Variants in TTC28 observed in about 807,000 individuals in gnomAD.
TTC28 encodes tetratricopeptide repeat domain 28, also known as tetratricopeptide repeat protein 28.
TTC28 carries 61 observed loss-of-function variants against 198.0 expected under a neutral mutation model. That is an observed-to-expected ratio of 0.31 (90% CI 0.25 to 0.38). The LOEUF is 0.38. Ranked by LOEUF, TTC28 falls within the 10% of genes least tolerant of loss-of-function variation. The pLI is 1.00. For synonymous variants in TTC28, 1,171 were observed against 1,297.8 expected, an observed-to-expected ratio of 0.90 and a Z score of 2.10; for missense variants, 2,678 against 3,164.0, an observed-to-expected ratio of 0.85 and a Z score of 3.69.
intron 2 of TTC28, among the ~76,000 whole-genome samples, chr22:28,441,266 T>A (rs2047617154): frequency 1.3e-5 from 2 of 152,220 alleles, no homozygotes; most frequent in South Asian, 4.1e-4. Context: ...AATGTAGAGT[T>A]TGCAGACATC....
intron 2 of TTC28, among the ~76,000 whole-genome samples, chr22:28,466,822 C>CAT (rs1363310625): frequency 5.2e-5 from 6 of 116,236 alleles, no homozygotes; most frequent in East Asian, 2.0e-4. Flanking sequence ...TACATACATA[C>CAT]ACACACACAC....
At chr22:28,552,541 A>G (rs1376691668) in intron 2 of TTC28, among the ~76,000 whole-genome samples, 1 of 152,232 alleles carries the variant, frequency 6.6e-6, no homozygotes, top group African/African-American at 2.4e-5. Context: ...ACATAGACCA[A>G]TGAAACAGAA....
intron 2 of TTC28, among the ~76,000 whole-genome samples, chr22:28,544,977 G>T (rs2049506045): frequency 6.6e-6 from 1 of 152,146 alleles, no homozygotes; most frequent in Non-Finnish European, 1.5e-5. Flanking sequence ...GCCCATGAGG[G>T]TGCTCTGCCT....
chr22:28,412,812 C>T (rs1466174009), intron 2 of TTC28, among the ~76,000 whole-genome samples: 2 of 152,168 alleles, frequency 1.3e-5, no homozygotes, highest in Non-Finnish European at 2.9e-5. Flanking sequence ...AGGTGGGCTG[C>T]AGAGACAGGA....
intron 2 of TTC28, among the ~76,000 whole-genome samples, chr22:28,336,098 A>G (rs532367564): frequency 2.0e-4 from 30 of 152,270 alleles, no homozygotes; most frequent in African/African-American, 7.0e-4. Context: ...TGAGATGATC[A>G]TGTGGTTTTT....
At chr22:28,623,000 T>G (rs1332381806) in intron 2 of TTC28, among the ~76,000 whole-genome samples, 1 of 152,096 alleles carries the variant, frequency 6.6e-6, no homozygotes, top group Non-Finnish European at 1.5e-5. Context: ...TTTTGTATTT[T>G]TTAGTAGAGA....
intron 5 of TTC28, among the ~76,000 whole-genome samples, chr22:28,183,751 ATTTT>A (rs1923927960): frequency 6.6e-6 from 1 of 152,138 alleles, no homozygotes; most frequent in Non-Finnish European, 1.5e-5. Context: ...AATTATATTT[ATTTT>A]AATGCCAATT....
At chr22:28,459,130 C>T (rs2047909862) in intron 2 of TTC28, among the ~76,000 whole-genome samples, 2 of 151,288 alleles carry the variant, frequency 1.3e-5, no homozygotes, top group Non-Finnish European at 3.0e-5. Flanking sequence ...TCCTTTTTTT[C>T]TAAAAGAAAG....
At chr22:28,630,316 T>C (rs996092327) in intron 1 of TTC28, among the ~76,000 whole-genome samples, 2 of 152,184 alleles carry the variant, frequency 1.3e-5, no homozygotes, top group African/African-American at 2.4e-5. Flanking sequence ...AGATGAGGTC[T>C]CACTCTGTAA....
chr22:28,009,489 C>CT lies in TTC28; in HGVS notation c.4218+4758dup, dbSNP rs1441588943. ...CTGACAGCGGCAGCTCTGGAGCCGG[C>CT]TAGCGGTGTTATATCGCCCTCTTGT... On this transcript the variant is annotated intron_variant, in intron 14 of 22. Transcript: ENST00000397906. Among the ~76,000 whole-genome samples, 9 of 152,358 alleles carry CT rather than the reference C, an allele frequency of 5.9e-5. No individual in the cohort carries two copies. In the East Asian group the frequency reaches 1.2e-3, roughly 20 times the overall value.
intron 6 of TTC28, among the ~76,000 whole-genome samples, chr22:28,135,973 G>A (rs1407180986): frequency 6.6e-6 from 1 of 152,108 alleles, no homozygotes; most frequent in Non-Finnish European, 1.5e-5. Context: ...CTGATGAAGG[G>A]TCAGTTCTGG....
chr22:28,283,798 C>T (rs933449630), intron 5 of TTC28, among the ~76,000 whole-genome samples: 5 of 152,164 alleles, frequency 3.3e-5, no homozygotes, highest in African/African-American at 1.2e-4. Context: ...ATCCTCTCAC[C>T]TTAGCCTCCC....
At position 28,096,323 on chromosome 22, in the gene TTC28, T is replaced by C. The variant is rs1941971336; in HGVS notation, c.3633A>G (p.Gln1211=). ...CTGGGGAGTAGGGGTCGGAGTCTTG[T>C]TGTCCTGTTTGTCGTTCCACCAGAA... ...ADLLVERQTG[Q]QDSDPYSPVT... Residue 1211 remains glutamine, a synonymous_variant, in exon 11 of 23, where the codon CAA becomes CAG. Coordinates refer to ENST00000397906, the MANE Select transcript of TTC28 (RefSeq NM_001145418.2). The C allele has an allele frequency of 1.3e-6, 2 of 1,551,972 alleles. No homozygotes were observed. Among genetic ancestry groups the C allele is most frequent in the Admixed American group, 2.0e-5 (1 of 50,998 alleles).
intron 2 of TTC28, among the ~76,000 whole-genome samples, chr22:28,318,077 T>C (rs1020790346): frequency 2.2e-4 from 33 of 150,252 alleles, no homozygotes; most frequent in African/African-American, 8.0e-4. Context: ...TAATTAATTT[T>C]TTTTTTTTTT....
intron 6 of TTC28, among the ~76,000 whole-genome samples, chr22:28,150,558 G>A (rs942606026): frequency 6.6e-6 from 1 of 152,174 alleles, no homozygotes; most frequent in African/African-American, 2.4e-5. Flanking sequence ...ACTAAAAGCA[G>A]AGCCAAATGA....
intron 22 of TTC28, 81 bp downstream of exon 22, chr22:27,985,168 C>G: frequency 9.5e-7 from 1 of 1,050,288 alleles, no homozygotes; most frequent in Non-Finnish European, 1.4e-6. Context: ...TTCTGCTTCC[C>G]AAAATGTATG....
intron 2 of TTC28, among the ~76,000 whole-genome samples, chr22:28,592,617 T>C (rs1302007047): frequency 1.3e-5 from 2 of 152,240 alleles, no homozygotes; most frequent in Non-Finnish European, 2.9e-5. Flanking sequence ...TTGAAACTCA[T>C]GAATGACGAT....
At chr22:28,504,754 T>A (rs1207259426) in intron 2 of TTC28, among the ~76,000 whole-genome samples, 1 of 151,968 alleles carries the variant, frequency 6.6e-6, no homozygotes, top group Admixed American at 6.5e-5. Flanking sequence ...ATGCTCTTAA[T>A]AAAAAACACT....
intron 6 of TTC28, among the ~76,000 whole-genome samples, chr22:28,148,520 G>A (rs1943527773): frequency 6.6e-6 from 1 of 151,914 alleles, no homozygotes; most frequent in Non-Finnish European, 1.5e-5. Flanking sequence ...GGCTGAGGCA[G>A]GAGAATGGCA....
Sources: gnomAD v4.1 joint callset for allele counts (sites outside exome capture counted in the v4.1 genomes callset) on GRCh38, gnomAD v4.1.1 for gene constraint, MANE v1.5 for transcripts, NCBI Gene and HGNC (gene_info 2026-07-23, HGNC 2026-07-21) for gene names.